The following KDM1B variants were observed in gnomAD, a reference collection of about 807,000 sequenced individuals.
KDM1B encodes lysine demethylase 1B, also known as lysine-specific histone demethylase 2.
In KDM1B, 63 loss-of-function variants were observed where a neutral mutation model predicts 107.4. That is an observed-to-expected ratio of 0.59 (90% CI 0.48 to 0.72). The LOEUF (loss-of-function observed/expected upper bound fraction) is 0.72. Among genes scored for constraint, KDM1B ranks in the 30% least tolerant of loss-of-function variants. The pLI is 0.00. For synonymous variants in KDM1B, 363 were observed against 363.9 expected (o/e 1.00, Z 0.03); for missense variants, 749 against 1,020.8 (o/e 0.73, Z 3.63).
At position 18,187,831 on chromosome 6, in the gene KDM1B, C is replaced by T. The variant is rs1184517734; in HGVS notation, c.613C>T (p.Leu205Phe). The change falls in exon 9 of 22, where the codon CTC (leucine) becomes TTC (phenylalanine). Residue 205 changes from leucine (L) to phenylalanine (F), a missense_variant. Transcript: ENST00000650836. ...EVSNHWWYSMLILPPLLKDSV... is the reference protein window; with the variant it reads ...EVSNHWWYSMFILPPLLKDSV... Reference sequence around the variant, plus strand: ...TTCCAACCATTGGTGGTACTCTATGCTCATCCTACCTCCTTTGCTGAAAGA... The same window carrying T: ...TTCCAACCATTGGTGGTACTCTATGTTCATCCTACCTCCTTTGCTGAAAGA... 3 of 1,550,434 alleles carry T rather than the reference C, an allele frequency of 1.9e-6. No individual in the cohort carries two copies. Among genetic ancestry groups the T allele is most frequent in the East Asian group, 2.4e-5 (1 of 40,906 alleles).
At chr6:18,185,357 A>G (rs887731326) in intron 7 of KDM1B, among the ~76,000 whole-genome samples, 3 of 150,650 alleles carry the variant, frequency 2.0e-5, no homozygotes, top group Non-Finnish European at 2.9e-5. Context: ...GCTGGAGCGC[A>G]GTAGCGCAGT....
At position 18,221,998 on chromosome 6, in the gene KDM1B, C is replaced by T. The variant is rs376039984; in HGVS notation, c.*6C>T. The T allele has an allele frequency of 8.1e-6, 13 of 1,613,228 alleles. No homozygotes were observed. The highest frequency in any genetic ancestry group is 1.1e-5 in the Non-Finnish European group (13 of 1,179,390). On this transcript the variant is annotated 3_prime_UTR_variant, in exon 22 of 22. Coordinates refer to ENST00000650836, the MANE Select transcript of KDM1B (RefSeq NM_001364614.2). ...GCAAGATTGCAGCATTTTAAGAATT[C>T]GGTGGACCCAGCTTTCTTCTGTACC...
chr6:18,156,420 C>T (rs777282336), intron 2 of KDM1B, among the ~76,000 whole-genome samples: 13 of 152,144 alleles, frequency 8.5e-5, no homozygotes, highest in Non-Finnish European at 1.8e-4. Context: ...TTGGGGAATC[C>T]CCCACACCAC....
intron 21 of KDM1B, among the ~76,000 whole-genome samples, chr6:18,219,283 A>G (rs1789492467): frequency 1.3e-5 from 2 of 152,098 alleles, no homozygotes; most frequent in African/African-American, 4.8e-5. Context: ...TCTGTTGAAA[A>G]ATGTTTTGCT....
In KDM1B at chr6:18,212,527, G is replaced by A. The variant is rs1788919950; in HGVS notation, c.1906G>A (p.Ala636Thr). The A allele has an allele frequency of 6.2e-7, 1 of 1,613,916 alleles. No homozygotes were observed. The highest frequency in any genetic ancestry group is 1.3e-5 in the African/African-American group (1 of 74,922). ...ACCACTGGCTTTACTACAGAAAGGT[G>A]CCATTCAGTTTAATCCACCGTTGTC... ...TVPLALLQKG[A>T]IQFNPPLSEK... Residue 636 changes from alanine to threonine, a missense_variant, in exon 18 of 22, where the codon GCC becomes ACC. Ala to Thr is a moderately conservative substitution (Grantham distance 58). Transcript: ENST00000650836. The surrounding 1 kb of genome is among the most constrained non-coding windows in gnomAD (Gnocchi z 5.2).
At chr6:18,178,132 G>A (rs1786156890) in intron 7 of KDM1B, among the ~76,000 whole-genome samples, 1 of 152,024 alleles carries the variant, frequency 6.6e-6, no homozygotes. Context: ...ATCCAGGCTG[G>A]AGTGCAGTGG....
intron 10 of KDM1B, among the ~76,000 whole-genome samples, chr6:18,195,480 T>C (rs1447248431): frequency 4.6e-5 from 7 of 152,184 alleles, no homozygotes; most frequent in African/African-American, 1.7e-4. Context: ...ACGCCTGTAG[T>C]CCCAGCACTT....
In KDM1B at chr6:18,217,741, A is replaced by G. The variant is rs1358708534; in HGVS notation, c.2241A>G (p.Pro747=). 1 of 1,611,890 alleles carries G rather than the reference A, an allele frequency of 6.2e-7. No homozygotes were observed. Among genetic ancestry groups the G allele is most frequent in the Non-Finnish European group, 8.5e-7 (1 of 1,179,404 alleles). ...CTTTCTATTGGACATAGGAGGTCCC[A>G]GATCCCACAAAGTATTTTGTCACTC... The part of the protein sequence containing the change: ...LRELFKEQEV[P]DPTKYFVTRW... The change falls in exon 21 of 22, where the codon CCA becomes CCG. Residue 747 remains proline (P), a synonymous_variant. Transcript: ENST00000650836.
In KDM1B at chr6:18,214,060, G is replaced by A. The variant is rs1254226465; in HGVS notation, c.2109+279G>A. Reference sequence around the variant, plus strand: ...GGCTATGGGGGAATTCCTCTTAGGTGAAGTTGGAGACATCAGAGTCAATGA... The same window carrying A: ...GGCTATGGGGGAATTCCTCTTAGGTAAAGTTGGAGACATCAGAGTCAATGA... On this transcript the variant is annotated intron_variant, in intron 19 of 21. Coordinates refer to ENST00000650836, the MANE Select transcript of KDM1B (RefSeq NM_001364614.2). This position sits in a 1 kb window ranked among gnomAD's most constrained non-coding sequence, Gnocchi z 4.4. Among the ~76,000 whole-genome samples the A allele has an allele frequency of 6.6e-6, 1 of 152,194 alleles. No individual in the cohort carries two copies. Among genetic ancestry groups the A allele is most frequent in the African/African-American group, 2.4e-5 (1 of 41,448 alleles).
rs117247716 is a variant in KDM1B at position 18,209,265 on chromosome 6, T to C, written c.1866+1059T>C. On this transcript the variant is annotated intron_variant, in intron 17 of 21. Coordinates refer to ENST00000650836, the MANE Select transcript of KDM1B (RefSeq NM_001364614.2). The surrounding 1 kb of genome is among the most constrained non-coding windows in gnomAD (Gnocchi z 4.3). The stretch of plus-strand genomic sequence containing the variant: ...GAGGGGATTTAGTAAACCTTGAAAA[T>C]TTAAGTTTAGTTATATCTTAAGTGA... 2.3e-4 allele frequency among the ~76,000 whole-genome samples: 35 copies of C among 152,282 alleles called. No homozygotes were observed. The East Asian group carries it at 4.4e-3, about 19-fold the overall frequency.
At chr6:18,183,449 G>A (rs1184641671) in intron 7 of KDM1B, among the ~76,000 whole-genome samples, 2 of 151,404 alleles carry the variant, frequency 1.3e-5, no homozygotes, top group East Asian at 1.9e-4. Flanking sequence ...TAGTAGAGAC[G>A]GGGTTTCATC....
intron 7 of KDM1B, among the ~76,000 whole-genome samples, chr6:18,175,621 C>T (rs1444241826): frequency 6.6e-6 from 1 of 152,090 alleles, no homozygotes; most frequent in Non-Finnish European, 1.5e-5. Context: ...CTAGATTTGT[C>T]CTTAATCCAT....
In KDM1B at chr6:18,193,298, CTT is replaced by C. The variant is rs61133563; in HGVS notation, c.969+1939_969+1940del. On this transcript the variant is annotated intron_variant, in intron 10 of 21. Transcript: ENST00000650836. ...TCAAAGACTTTGAAATGTGTGCTTT[CTT>C]TTTTTTTTTTTTTTTTTTTTTGAGA... Among the ~76,000 whole-genome samples, 319 of 90,064 alleles carry C rather than the reference CTT, an allele frequency of 3.5e-3. 1 individual carries two copies. Among genetic ancestry groups the C allele is most frequent in the African/African-American group, 0.012 (300 of 24,696 alleles). 59.1% of individuals were successfully genotyped at this position (90,064 alleles called of 152,430 possible).
intron 12 of KDM1B, among the ~76,000 whole-genome samples, chr6:18,198,049 A>T (rs1190418148): frequency 6.6e-6 from 1 of 151,120 alleles, no homozygotes; most frequent in Non-Finnish European, 1.5e-5. Flanking sequence ...GATGTGTGCC[A>T]TCATGCCCAG....
chr6:18,194,709 G>T (rs1212758956), intron 10 of KDM1B, among the ~76,000 whole-genome samples: 1 of 151,752 alleles, frequency 6.6e-6, no homozygotes, highest in Admixed American at 6.6e-5. Flanking sequence ...ATGTTGCACA[G>T]GCTGGTCTCC....
intron 3 of KDM1B, 140 bp downstream of exon 3, chr6:18,160,122 AAC>A (rs1784879942): frequency 3.3e-6 from 2 of 602,028 alleles, no homozygotes; most frequent in African/African-American, 1.9e-5. Flanking sequence ...GTACGGTCAT[AAC>A]ACAGTGTGAT....
rs1348151879 is a variant in KDM1B at position 18,200,320 on chromosome 6, A to C, written c.1222-119A>C. 1 of 1,031,874 alleles carries C rather than the reference A, an allele frequency of 9.7e-7. No homozygotes were observed. The highest frequency in any genetic ancestry group is 1.4e-6 in the Non-Finnish European group (1 of 719,950). The allele number at this position is 1,031,874 out of a possible 1,614,324, so 63.9% of individuals were successfully genotyped here. A position where few individuals can be genotyped will look rare whatever the true frequency, so the allele number is the denominator to read the frequency against. On this transcript the variant is annotated intron_variant, in intron 12 of 21. Coordinates refer to ENST00000650836, the MANE Select transcript of KDM1B (RefSeq NM_001364614.2). The surrounding 1 kb of genome is among the most constrained non-coding windows in gnomAD (Gnocchi z 4.3). The stretch of plus-strand genomic sequence containing the variant: ...GCTTTTTAAAGTTGTTTTTTTAGAA[A>C]TATTTGGAATTAACCAAATATAGAG...
rs369530560 is a variant in KDM1B, at chr6:18,200,601, G to A, written c.1359+25G>A. 4 of 1,591,288 alleles carry A rather than the reference G, an allele frequency of 2.5e-6. No homozygotes were observed. Among genetic ancestry groups the A allele is most frequent in the Middle Eastern group, 1.7e-4 (1 of 5,848 alleles). ...AGTGAGTTTCTTTTAGCTTTGTGTT[G>A]TAGATAAAGGAAAGAAAAACAGTTT... is the stretch of plus-strand genomic sequence containing the variant. On this transcript the variant is annotated intron_variant, in intron 13 of 21. Transcript: ENST00000650836. This position sits in a 1 kb window ranked among gnomAD's most constrained non-coding sequence, Gnocchi z 4.3.
rs571615881 is a variant in KDM1B, at chr6:18,159,385, C to T, written c.-13-498C>T. Among the ~76,000 whole-genome samples the T allele has an allele frequency of 2.0e-5, 3 of 152,258 alleles. No homozygotes were observed. The East Asian group carries it at 5.8e-4, about 29-fold the overall frequency. ...GGTTTTCCTCATTGAATTTTATAAA[C>T]ATAGTGTGGTTTGTTTATTGGTCAT... is the stretch of plus-strand genomic sequence containing the variant. On this transcript the variant is annotated intron_variant, in intron 2 of 21. Coordinates refer to ENST00000650836, the MANE Select transcript of KDM1B (RefSeq NM_001364614.2). This position sits in a 1 kb window ranked among gnomAD's most constrained non-coding sequence, Gnocchi z 4.5.
Sources: allele counts gnomAD v4.1 joint callset (sites outside exome capture counted in the v4.1 genomes callset), GRCh38; gene constraint gnomAD v4.1.1; non-coding constraint Gnocchi (gnomAD v3.1); transcripts MANE v1.5; gene names NCBI Gene and HGNC (gene_info 2026-07-23, HGNC 2026-07-21).